Variants in ARHGAP6 observed in about 807,000 individuals in gnomAD.
The protein encoded by ARHGAP6 is Rho GTPase activating protein 6.
ARHGAP6 carries 16 observed loss-of-function variants against 55.7 expected under a neutral mutation model. The ratio of observed to expected loss-of-function variants is 0.29; its 90% CI spans 0.19 to 0.44. The LOEUF is 0.44. Ranked by LOEUF, ARHGAP6 falls within the 20% of genes least tolerant of loss-of-function variation. ARHGAP6 has a pLI of 1.00. For synonymous variants in ARHGAP6, 382 were observed against 360.9 expected (o/e 1.06, Z -0.66); for missense variants, 698 against 808.9 (o/e 0.86, Z 1.66).
At chrX:11,281,737 G>C (rs1251424776) in intron 1 of ARHGAP6, among the ~76,000 whole-genome samples, 2 of 111,861 alleles carry the variant, frequency 1.8e-5, no homozygotes, top group Non-Finnish European at 3.8e-5. Context: ...CATCACTGGA[G>C]GATGGGATTT....
intron 1 of ARHGAP6, among the ~76,000 whole-genome samples, chrX:11,354,289 C>CTG: frequency 1.4e-5 from 1 of 73,055 alleles, no homozygotes; most frequent in African/African-American, 5.3e-5. Context: ...CTCTCTCTCT[C>CTG]TCTCTTTCTC....
At chrX:11,528,280 C>A (rs186861012) in intron 1 of ARHGAP6, among the ~76,000 whole-genome samples, 1 of 112,038 alleles carries the variant, frequency 8.9e-6, no homozygotes, top group African/African-American at 3.2e-5. Flanking sequence ...TTTATTCTAC[C>A]AATAGACAAT....
At chrX:11,407,353 T>C (rs1232401368) in intron 1 of ARHGAP6, among the ~76,000 whole-genome samples, 1 of 112,461 alleles carries the variant, frequency 8.9e-6, no homozygotes, top group Non-Finnish European at 1.9e-5. Context: ...TATTGAATAA[T>C]ATTCTCTTGT....
chrX:11,221,451 C>T (rs754186639), intron 2 of ARHGAP6: 2 of 154,011 alleles, frequency 1.3e-5, no homozygotes, highest in Non-Finnish European at 2.9e-5. Context: ...ATAGGCTGTA[C>T]GAATTAGTGG....
At chrX:11,318,174 A>G (rs778945126) in intron 1 of ARHGAP6, among the ~76,000 whole-genome samples, 5 of 112,393 alleles carry the variant, frequency 4.4e-5, no homozygotes, top group Non-Finnish European at 9.4e-5. Context: ...TCTACTATCC[A>G]GCAATATTGC....
rs1406667462 is a variant in ARHGAP6 at position 11,535,216 on chromosome X, C to T, written c.588+129025G>A. 6.3e-5 allele frequency among the ~76,000 whole-genome samples: 7 copies of T among 111,728 alleles called. No individual in the cohort carries two copies. In the East Asian group the frequency reaches 2.0e-3, roughly 31 times the overall value. On this transcript the variant is annotated intron_variant, in intron 1 of 12. Transcript: ENST00000337414. ...ACTTGCATTTAGCCACCCTGCTTCC[C>T]ATGTATCTGTGTTATGTCTGCCCCC... is the stretch of plus-strand genomic sequence containing the variant.
At chrX:11,632,646 A>G (rs891990585) in intron 1 of ARHGAP6, among the ~76,000 whole-genome samples, 5 of 112,493 alleles carry the variant, frequency 4.4e-5, no homozygotes, top group Non-Finnish European at 9.4e-5. Context: ...AGAACATAAT[A>G]TAATTTCTAC....
At chrX:11,210,748 C>G (rs1227823296) in intron 2 of ARHGAP6, among the ~76,000 whole-genome samples, 2 of 112,254 alleles carry the variant, frequency 1.8e-5, no homozygotes, top group African/African-American at 6.5e-5. Context: ...GTTCCTCCAG[C>G]TTTTAAATAT....
chrX:11,219,372 G>C (rs1360719681), intron 2 of ARHGAP6, among the ~76,000 whole-genome samples: 406 of 74,711 alleles, frequency 5.4e-3, no homozygotes, highest in Middle Eastern at 0.016. Context: ...CTTTATAACA[G>C]CATGATTTAT....
In ARHGAP6 at chrX:11,664,622, T is replaced by G; in HGVS notation, c.207A>C (p.Ser69=). The G allele has an allele frequency of 8.6e-7, 1 of 1,166,122 alleles. No homozygotes were observed. The highest frequency in any genetic ancestry group is 3.2e-5 in the East Asian group (1 of 31,261). Residue 69 remains serine, a synonymous_variant, in exon 1 of 13, where the codon TCA becomes TCC. Coordinates refer to ENST00000337414, the MANE Select transcript of ARHGAP6 (RefSeq NM_013427.3). ...GATAGRLYSP[S]LPAESLGPRL... Reference sequence around the variant, plus strand: ...GAGGGCCGAGACTCTCGGCTGGGAGTGATGGGGAGTAGAGGCGGCCCGCCG... The same window carrying G: ...GAGGGCCGAGACTCTCGGCTGGGAGGGATGGGGAGTAGAGGCGGCCCGCCG...
At chrX:11,356,263 G>C (rs999145706) in intron 1 of ARHGAP6, among the ~76,000 whole-genome samples, 7 of 109,643 alleles carry the variant, frequency 6.4e-5, no homozygotes, top group African/African-American at 2.3e-4. Context: ...GGGCCTGTTG[G>C]GGGTGGGGGA....
At chrX:11,664,192 C>T in intron 1 of ARHGAP6, 49 bp downstream of exon 1, 2 of 1,119,518 alleles carry the variant, frequency 1.8e-6, no homozygotes, top group South Asian at 2.1e-5. Context: ...CCTGAAACTG[C>T]CTGGGGGCCT....
chrX:11,506,060 A>C (rs2050729001), intron 1 of ARHGAP6, among the ~76,000 whole-genome samples: 1 of 111,340 alleles, frequency 9.0e-6, no homozygotes, highest in South Asian at 3.8e-4. Context: ...AAAAGAACAC[A>C]GAAGAGCTTG....
At chrX:11,624,638 G>A (rs1013528450) in intron 1 of ARHGAP6, among the ~76,000 whole-genome samples, 3 of 112,178 alleles carry the variant, frequency 2.7e-5, no homozygotes, top group Admixed American at 1.9e-4. Context: ...TGCAACTTCC[G>A]CCTCCCGGGT....
chrX:11,454,417 AT>A (rs2050177056), intron 1 of ARHGAP6, among the ~76,000 whole-genome samples: 1 of 112,034 alleles, frequency 8.9e-6, no homozygotes, highest in South Asian at 3.7e-4. Context: ...AGGACACCTA[AT>A]TTTAAGCCCC....
At chrX:11,312,675 G>A (rs188205408) in intron 1 of ARHGAP6, among the ~76,000 whole-genome samples, 1 of 111,828 alleles carries the variant, frequency 8.9e-6, no homozygotes, top group Non-Finnish European at 1.9e-5. Flanking sequence ...CTTAATCAGT[G>A]TTGTTGTGGA....
chrX:11,289,619 T>A (rs376313057), intron 1 of ARHGAP6, among the ~76,000 whole-genome samples: 2 of 111,948 alleles, frequency 1.8e-5, no homozygotes, highest in East Asian at 2.8e-4. Flanking sequence ...CAGAGTGACA[T>A]CCTCATCTTG....
chrX:11,271,226 C>T (rs902226529), intron 1 of ARHGAP6, among the ~76,000 whole-genome samples: 1 of 111,768 alleles, frequency 8.9e-6, no homozygotes, highest in African/African-American at 3.3e-5. Context: ...CTAAAAGATA[C>T]AGGGATGCTG....
At chrX:11,482,390 G>A (rs192878045) in intron 1 of ARHGAP6, among the ~76,000 whole-genome samples, 2 of 112,161 alleles carry the variant, frequency 1.8e-5, no homozygotes, top group East Asian at 5.6e-4. Flanking sequence ...TACCTGGGCA[G>A]CCAAAATTCC....
Sources: gnomAD v4.1 joint callset for allele counts (sites outside exome capture counted in the v4.1 genomes callset) on GRCh38, gnomAD v4.1.1 for gene constraint, MANE v1.5 for transcripts, NCBI Gene and HGNC (gene_info 2026-07-23, HGNC 2026-07-21) for gene names.